Variants in CNOT2 observed in about 807,000 individuals in gnomAD.
The protein encoded by CNOT2 is CCR4-NOT transcription complex subunit 2.
A neutral mutation model predicts 72.1 loss-of-function variants in CNOT2; 7 were observed. The ratio of observed to expected loss-of-function variants is 0.10; its 90% CI spans 0.06 to 0.18. The LOEUF (loss-of-function observed/expected upper bound fraction) is 0.18, where lower values mean the gene tolerates loss of function less well. Ranked by LOEUF, CNOT2 falls within the 10% of genes least tolerant of loss-of-function variation. The pLI, the probability that CNOT2 is intolerant of heterozygous loss-of-function variation, is 1.00. For missense variants in CNOT2, 345 were observed against 660.3 expected (o/e 0.52, Z 5.23); for synonymous variants, 196 against 225.6 (o/e 0.87, Z 1.17).
intron 2 of CNOT2, chr12:70,301,976 A>G (rs1234569587): frequency 2.0e-5 from 3 of 152,086 alleles, no homozygotes; most frequent in African/African-American, 2.4e-5. Flanking sequence ...GAATTTATCC[A>G]TTTCCTCTAG....
intron 15 of CNOT2, chr12:70,347,775 A>G (rs1409784330): frequency 6.6e-6 from 1 of 152,172 alleles, no homozygotes; most frequent in Non-Finnish European, 1.5e-5. Flanking sequence ...TGTATTTTGT[A>G]TCTGAATTAT....
chr12:70,308,548 G>A (rs1875844509), intron 2 of CNOT2, among the ~76,000 whole-genome samples: 1 of 130,172 alleles, frequency 7.7e-6, no homozygotes, highest in Non-Finnish European at 1.6e-5. Context: ...CTTAAGTTTG[G>A]TATATTTTCT....
chr12:70,337,550 T>A, intron 9 of CNOT2, 37 bp downstream of exon 9: 1 of 1,596,034 alleles, frequency 6.3e-7, no homozygotes, highest in Non-Finnish European at 8.6e-7. Flanking sequence ...AGTGATGTAG[T>A]TTTTCCCTTC....
At chr12:70,341,931 GAC>G in intron 11 of CNOT2, 174 bp from the exon 12 acceptor site, 8 of 617,466 alleles carry the variant, frequency 1.3e-5, no homozygotes, top group South Asian at 2.0e-5. Flanking sequence ...ATATTTTACA[GAC>G]ACACACACAA....
At chr12:70,249,115 A>G (rs915821638) in intron 1 of CNOT2, among the ~76,000 whole-genome samples, 7 of 152,006 alleles carry the variant, frequency 4.6e-5, no homozygotes, top group East Asian at 3.9e-4. Context: ...ATGTAATACA[A>G]TGTGTTTGAG....
chr12:70,347,200 ATTTG>A (rs1483700763), intron 15 of CNOT2, among the ~76,000 whole-genome samples: 1 of 152,120 alleles, frequency 6.6e-6, no homozygotes, highest in Non-Finnish European at 1.5e-5. Context: ...TTAGTTGTCA[ATTTG>A]TTTTTTTGTT....
At chr12:70,349,775 C>CGA (rs1455825179) in intron 15 of CNOT2, among the ~76,000 whole-genome samples, 1 of 152,002 alleles carries the variant, frequency 6.6e-6, no homozygotes, top group Non-Finnish European at 1.5e-5. Context: ...TGAGGCAAGA[C>CGA]GATCACTTGA....
intron 11 of CNOT2, among the ~76,000 whole-genome samples, chr12:70,340,076 G>A (rs750929209): frequency 2.6e-5 from 4 of 152,130 alleles, no homozygotes; most frequent in Admixed American, 1.3e-4. Context: ...CCTTTGAAGC[G>A]AAACTTTTCA....
At position 70,277,680 on chromosome 12, in the gene CNOT2, G is replaced by A. The variant is rs57247960; in HGVS notation, c.-95-452G>A. Among the ~76,000 whole-genome samples the A allele has an allele frequency of 9.4e-3, 1,433 of 152,252 alleles. 26 individuals are homozygous for A. The highest frequency in any genetic ancestry group is 0.032 in the African/African-American group (1,341 of 41,534). ...TAAACCTACACAGAATGAATCGGTAGCTGTGTGAATAACTTGTATTTCTAT... is the reference window on the plus strand; with the variant it reads ...TAAACCTACACAGAATGAATCGGTAACTGTGTGAATAACTTGTATTTCTAT... On this transcript the variant is annotated intron_variant, in intron 1 of 15. Transcript: ENST00000229195.
rs539955047 is a variant in CNOT2 at position 70,324,876 on chromosome 12, C to T, written c.239-4547C>T. 7.9e-4 allele frequency among the ~76,000 whole-genome samples: 120 copies of T among 151,928 alleles called. 1 individual carries two copies. Among genetic ancestry groups the T allele is most frequent in the Non-Finnish European group, 7.4e-4 (50 of 67,854 alleles). On this transcript the variant is annotated intron_variant, in intron 4 of 15. Transcript: ENST00000229195. Reference sequence around the variant, plus strand: ...TAACATTTATACCCACCTGACTCCCCACCACTGCCACCACCAAACACCTGG... The same window carrying T: ...TAACATTTATACCCACCTGACTCCCTACCACTGCCACCACCAAACACCTGG...
At chr12:70,244,440 TG>T (rs2135672087) in intron 1 of CNOT2, 1 of 152,404 alleles carries the variant, frequency 6.6e-6, no homozygotes, top group African/African-American at 2.4e-5. Context: ...TTGGTAACTG[TG>T]GTCCTTAGCA....
At chr12:70,260,699 GTT>G (rs1490668059) in intron 1 of CNOT2, among the ~76,000 whole-genome samples, 2 of 152,018 alleles carry the variant, frequency 1.3e-5, no homozygotes, top group African/African-American at 4.8e-5. Flanking sequence ...TCAGGTGTCA[GTT>G]TTTGCTTCAT....
At chr12:70,294,429 C>A (rs1210736033) in intron 2 of CNOT2, 3 of 400,108 alleles carry the variant, frequency 7.5e-6, no homozygotes. Context: ...TTATTTTTCT[C>A]ATAAAACTCA....
chr12:70,346,929 G>A (rs1882244867), intron 15 of CNOT2, among the ~76,000 whole-genome samples: 1 of 147,584 alleles, frequency 6.8e-6, no homozygotes, highest in South Asian at 2.1e-4. Flanking sequence ...CAGTGTCAAT[G>A]CATATTTCAT....
chr12:70,329,666 C>T, intron 5 of CNOT2, 96 bp downstream of exon 5: 1 of 867,050 alleles, frequency 1.2e-6, no homozygotes, highest in East Asian at 2.5e-5. Flanking sequence ...ACTTGATTTT[C>T]TGGTTCAGTG....
intron 2 of CNOT2, among the ~76,000 whole-genome samples, chr12:70,305,871 T>TTG: frequency 8.0e-6 from 1 of 125,174 alleles, no homozygotes; most frequent in South Asian, 2.8e-4. Flanking sequence ...TATCTGAAGT[T>TTG]TGTTTTTTTT....
chr12:70,299,243 T>TA (rs1352544537), intron 2 of CNOT2, among the ~76,000 whole-genome samples: 63 of 152,262 alleles, frequency 4.1e-4, no homozygotes, highest in African/African-American at 1.4e-3. Flanking sequence ...ATTATTATAC[T>TA]TTAAGTTTTA....
intron 7 of CNOT2, chr12:70,334,353 A>C (rs1880376405): frequency 6.6e-6 from 1 of 152,088 alleles, no homozygotes; most frequent in African/African-American, 2.4e-5. Context: ...CCAGGTATAA[A>C]TGATTTATCC....
rs200758190 is a variant in CNOT2 at position 70,310,589 on chromosome 12, CTATG to C, written c.49-301_49-298del. On this transcript the variant is annotated intron_variant, in intron 2 of 15. Transcript: ENST00000229195. ...AACCTAAACTTAATTTTTAAAAAAT[CTATG>C]TATGGGAAAATGATATTGGCCATTT... 9.6e-3 allele frequency among the ~76,000 whole-genome samples: 1,454 copies of C among 151,946 alleles called. 24 individuals are homozygous for C. The highest frequency in any genetic ancestry group is 0.033 in the African/African-American group (1,364 of 41,496).
Sources: allele counts gnomAD v4.1 joint callset (sites outside exome capture counted in the v4.1 genomes callset), GRCh38; gene constraint gnomAD v4.1.1; transcripts MANE v1.5; gene names NCBI Gene and HGNC (gene_info 2026-07-23, HGNC 2026-07-21).